Variants in UNC13C observed in about 807,000 individuals in gnomAD.
UNC13C encodes unc-13 homolog C.
UNC13C carries 174 observed loss-of-function variants against 245.4 expected under a neutral mutation model. That is an observed-to-expected ratio of 0.71 (90% CI 0.63 to 0.80). The LOEUF is 0.80. Ranked by LOEUF, UNC13C falls within the 30% of genes least tolerant of loss-of-function variation. The pLI is 0.00. For synonymous variants in UNC13C, 992 were observed against 895.1 expected (o/e 1.11, Z -1.93); for missense variants, 2,829 against 2,602.9 (o/e 1.09, Z -1.89).
At chr15:54,083,825 C>T (rs1897019) in intron 2 of UNC13C, among the ~76,000 whole-genome samples, 71,061 of 151,968 alleles carry the variant, frequency 0.47, 18,636 homozygotes, top group Non-Finnish European at 0.6. Flanking sequence ...GCTGGTGCAT[C>T]GTCTTGGGGG....
intron 2 of UNC13C, among the ~76,000 whole-genome samples, chr15:54,103,720 C>G (rs1459644799): frequency 6.6e-6 from 1 of 152,028 alleles, no homozygotes; most frequent in African/African-American, 2.4e-5. Context: ...ATACTGTTTT[C>G]CAAACACATA....
Position 54,266,192 on chromosome 15 carries a change from A to G in UNC13C, c.3818+696A>G, listed in dbSNP as rs1343135930. Among the ~76,000 whole-genome samples the G allele has an allele frequency of 9.9e-4, 151 of 151,956 alleles. 2 individuals are homozygous for G. Among genetic ancestry groups the G allele is most frequent in the Non-Finnish European group, 1.2e-4 (8 of 67,886 alleles). ...AGGAATCTCATTACCATGGTAGGTAAATACACCCAGAACATATAGCTTATT... is the reference window on the plus strand; with the variant it reads ...AGGAATCTCATTACCATGGTAGGTAGATACACCCAGAACATATAGCTTATT... On this transcript the variant is annotated intron_variant, in intron 10 of 32. Coordinates refer to ENST00000260323, the MANE Select transcript of UNC13C (RefSeq NM_001080534.3).
At chr15:54,161,394 T>C (rs1179874401) in intron 4 of UNC13C, among the ~76,000 whole-genome samples, 1 of 152,218 alleles carries the variant, frequency 6.6e-6, no homozygotes, top group Non-Finnish European at 1.5e-5. Context: ...GGACATCGTT[T>C]GACAGTGGTA....
chr15:54,512,830 C>T (rs957373232), intron 24 of UNC13C, among the ~76,000 whole-genome samples: 1 of 152,204 alleles, frequency 6.6e-6, no homozygotes, highest in South Asian at 2.1e-4. Context: ...TTAAGATTGG[C>T]TCCTTCCCAT....
intron 17 of UNC13C, among the ~76,000 whole-genome samples, chr15:54,382,122 CA>C (rs779740928): frequency 8.5e-4 from 129 of 152,172 alleles, no homozygotes; most frequent in Middle Eastern, 3.4e-3. Context: ...ACTTGGAAAA[CA>C]AACAACACAC....
At chr15:53,895,111 C>T in the UNC13C span, among the ~76,000 whole-genome samples, 1 of 151,856 alleles carries the variant, frequency 6.6e-6, no homozygotes, top group East Asian at 1.9e-4. Flanking sequence ...TGCCTGTAAT[C>T]CCAACACTTT....
chr15:54,629,933 T>C (rs1901417014), downstream of UNC13C: 1 of 151,976 alleles, frequency 6.6e-6, no homozygotes, highest in Non-Finnish European at 1.5e-5. Context: ...GAAATGATTA[T>C]AAATTCTGTA....
At chr15:54,025,723 A>G (rs1209913950) in intron 2 of UNC13C, among the ~76,000 whole-genome samples, 1 of 152,202 alleles carries the variant, frequency 6.6e-6, no homozygotes, top group Admixed American at 6.5e-5. Context: ...GTAGAACTGC[A>G]ATTACAAGCT....
intron 1 of UNC13C, among the ~76,000 whole-genome samples, chr15:53,991,876 A>C (rs1271857264): frequency 2.0e-5 from 3 of 152,042 alleles, no homozygotes; most frequent in Non-Finnish European, 4.4e-5. Flanking sequence ...TATCACTGAG[A>C]TACTCAACAA....
chr15:54,172,407 A>T (rs1483367910), intron 4 of UNC13C, among the ~76,000 whole-genome samples: 2 of 151,740 alleles, frequency 1.3e-5, no homozygotes, highest in Non-Finnish European at 2.9e-5. Flanking sequence ...CAATTTTTTA[A>T]ATTGCCTGTT....
intron 4 of UNC13C, among the ~76,000 whole-genome samples, chr15:54,159,695 A>G (rs940085880): frequency 1.3e-5 from 2 of 152,198 alleles, no homozygotes; most frequent in Non-Finnish European, 2.9e-5. Flanking sequence ...GCTCATGGGG[A>G]TAATACTGGC....
At chr15:54,446,818 C>T (rs1890842253) in intron 19 of UNC13C, among the ~76,000 whole-genome samples, 2 of 152,112 alleles carry the variant, frequency 1.3e-5, no homozygotes, top group African/African-American at 2.4e-5. Context: ...CCAGAACTTC[C>T]AACACTATGT....
intron 18 of UNC13C, among the ~76,000 whole-genome samples, chr15:54,408,340 A>G (rs757382789): frequency 5.6e-4 from 85 of 151,724 alleles, no homozygotes; most frequent in Non-Finnish European, 8.4e-4. Context: ...ACGTTATTAA[A>G]TTTCCCTTTA....
At chr15:54,513,191 A>G (rs915104281) in intron 24 of UNC13C, among the ~76,000 whole-genome samples, 4 of 152,170 alleles carry the variant, frequency 2.6e-5, no homozygotes, top group Non-Finnish European at 5.9e-5. Context: ...CTGATGTTTT[A>G]TATTCAGACT....
At chr15:54,624,536 C>G (rs1287379000) in intron 32 of UNC13C, among the ~76,000 whole-genome samples, 1 of 151,826 alleles carries the variant, frequency 6.6e-6, no homozygotes. Flanking sequence ...CTTTTCAATT[C>G]TAAGTTCAAT....
chr15:54,089,218 G>A (rs1170076108), intron 2 of UNC13C, among the ~76,000 whole-genome samples: 1 of 152,114 alleles, frequency 6.6e-6, no homozygotes, highest in African/African-American at 2.4e-5. Flanking sequence ...TTCCTTGCTT[G>A]ACTCTCATGA....
intron 2 of UNC13C, among the ~76,000 whole-genome samples, chr15:54,135,107 G>A (rs1469503116): frequency 6.6e-6 from 1 of 152,014 alleles, no homozygotes; most frequent in African/African-American, 2.4e-5. Context: ...AGCCATTAAT[G>A]TCTTTTTTGA....
At chr15:54,289,597 A>G (rs1006857958) in intron 10 of UNC13C, among the ~76,000 whole-genome samples, 12 of 152,078 alleles carry the variant, frequency 7.9e-5, no homozygotes, top group Non-Finnish European at 1.6e-4. Context: ...TGGTTAGTTT[A>G]GGCTGAGAGA....
chr15:54,247,187 T>C (rs1404047152), intron 7 of UNC13C, among the ~76,000 whole-genome samples: 1 of 152,200 alleles, frequency 6.6e-6, no homozygotes, highest in Non-Finnish European at 1.5e-5. Flanking sequence ...TCAATCTGAT[T>C]CCTAATGGTA....
Sources: gnomAD v4.1 joint callset for allele counts (sites outside exome capture counted in the v4.1 genomes callset) on GRCh38, gnomAD v4.1.1 for gene constraint, MANE v1.5 for transcripts, NCBI Gene and HGNC (gene_info 2026-07-23, HGNC 2026-07-21) for gene names.